Variants in SSBP3 observed in about 807,000 individuals in gnomAD.
SSBP3 encodes single stranded DNA binding protein 3.
A neutral mutation model predicts 69.6 loss-of-function variants in SSBP3; 5 were observed. That is an observed-to-expected ratio of 0.07 (90% CI 0.04 to 0.15). The LOEUF (loss-of-function observed/expected upper bound fraction) is 0.15, where lower values mean the gene tolerates loss of function less well. Among genes scored for constraint, SSBP3 ranks in the 10% least tolerant of loss-of-function variants. SSBP3 has a pLI of 1.00. For synonymous variants in SSBP3, 196 were observed against 193.4 expected (o/e 1.01, Z -0.11); for missense variants, 312 against 534.0 (o/e 0.58, Z 4.10).
chr1:54,244,816 C>T (rs1217730438), intron 9 of SSBP3, among the ~76,000 whole-genome samples: 1 of 152,160 alleles, frequency 6.6e-6, no homozygotes, highest in Non-Finnish European at 1.5e-5. Flanking sequence ...GCCCTCCTGA[C>T]CCCACCCCTT....
chr1:54,403,626 A>G lies in SSBP3; in HGVS notation c.191+950T>C, dbSNP rs116587771. ...GACACTTCATCCTCCTGCTGTTCTA[A>G]GAGACTTAAAACAGTAACCTGAGCT... is the stretch of plus-strand genomic sequence containing the variant. On this transcript the variant is annotated intron_variant, in intron 3 of 17. Coordinates refer to ENST00000610401, the Ensembl canonical transcript of SSBP3. 3.1e-3 allele frequency among the ~76,000 whole-genome samples: 473 copies of G among 152,328 alleles called. 2 individuals carry two copies. The highest frequency in any genetic ancestry group is 5.7e-3 in the Non-Finnish European group (385 of 68,026).
At chr1:54,240,489 G>A (rs1484085156) in intron 13 of SSBP3, among the ~76,000 whole-genome samples, 1 of 122,704 alleles carries the variant, frequency 8.1e-6, no homozygotes, top group Non-Finnish European at 1.7e-5. Context: ...GGGGGCGGGG[G>A]GGAGAAGGGA....
chr1:54,345,368 C>T (rs1019319964), intron 4 of SSBP3, among the ~76,000 whole-genome samples: 2 of 152,080 alleles, frequency 1.3e-5, no homozygotes, highest in African/African-American at 4.8e-5. Flanking sequence ...CACCAAGAGC[C>T]GCACTCTAAA....
chr1:54,340,814 G>T (rs1389643511), intron 4 of SSBP3, among the ~76,000 whole-genome samples: 1 of 152,202 alleles, frequency 6.6e-6, no homozygotes, highest in African/African-American at 2.4e-5. Flanking sequence ...AGGGCTGCAG[G>T]CTCCTACAAG....
intron 14 of SSBP3, among the ~76,000 whole-genome samples, chr1:54,229,507 G>A (rs979081937): frequency 6.6e-6 from 1 of 152,228 alleles, no homozygotes; most frequent in Non-Finnish European, 1.5e-5. Context: ...GGACTGTGGG[G>A]TGGTGGCAGG....
chr1:54,345,743 G>A (rs764228138), intron 4 of SSBP3, among the ~76,000 whole-genome samples: 1 of 152,062 alleles, frequency 6.6e-6, no homozygotes, highest in East Asian at 1.9e-4. Flanking sequence ...GGCTGGGCGC[G>A]GTGGCTTACA....
intron 4 of SSBP3, among the ~76,000 whole-genome samples, chr1:54,289,164 A>G (rs1473602971): frequency 2.0e-5 from 3 of 152,166 alleles, no homozygotes; most frequent in Admixed American, 1.3e-4. Flanking sequence ...GAGAAGCACA[A>G]TCCATTCCCG....
At chr1:54,265,806 A>G (rs957725322) in intron 5 of SSBP3, among the ~76,000 whole-genome samples, 2 of 152,204 alleles carry the variant, frequency 1.3e-5, no homozygotes, top group Non-Finnish European at 2.9e-5. Flanking sequence ...GTGTGAGCAA[A>G]GGCCCCAGCC....
chr1:54,238,097 T>C (rs1223773587), intron 14 of SSBP3: 1 of 462,464 alleles, frequency 2.2e-6, no homozygotes, highest in African/African-American at 2.0e-5. Flanking sequence ...AAAAGCCAGA[T>C]GGTTGGTCAC....
chr1:54,238,725 T>C, intron 14 of SSBP3: 1 of 314,000 alleles, frequency 3.2e-6, no homozygotes, highest in Non-Finnish European at 6.5e-6. Flanking sequence ...GTCCCCTTGC[T>C]GCTGGCTCCA....
intron 4 of SSBP3, among the ~76,000 whole-genome samples, chr1:54,336,117 GGC>G (rs1343592172): frequency 2.0e-5 from 3 of 152,218 alleles, no homozygotes; most frequent in Non-Finnish European, 4.4e-5. Context: ...TTCTAGCACT[GGC>G]ACTCTGGATT....
At chr1:54,353,374 A>AT (rs1646813639) in intron 4 of SSBP3, among the ~76,000 whole-genome samples, 1 of 152,154 alleles carries the variant, frequency 6.6e-6, no homozygotes, top group South Asian at 2.1e-4. Context: ...GTTCCAGAAA[A>AT]TCTTCAGCTC....
chr1:54,266,414 G>C lies in SSBP3; in HGVS notation c.367-8265C>G, dbSNP rs1440808392. ...TTTATTGGAACACAGTGCAAATAAA[G>C]TTTTGTTGGAACAGAGCCACACTCA... On this transcript the variant is annotated intron_variant, in intron 5 of 17. Coordinates refer to ENST00000610401, the Ensembl canonical transcript of SSBP3. Among the ~76,000 whole-genome samples the C allele has an allele frequency of 2.6e-5, 4 of 152,334 alleles. No individual in the cohort carries two copies. The East Asian group carries it at 7.7e-4, about 29-fold the overall frequency.
At chr1:54,404,809 G>GGT (rs1553151462) in intron 2 of SSBP3, 49 bp downstream of exon 2, 10 of 225,506 alleles carry the variant, frequency 4.4e-5, no homozygotes, top group African/African-American at 1.2e-4. Flanking sequence ...TAAGAATAGT[G>GGT]GGGGGGGGGG....
intron 4 of SSBP3, among the ~76,000 whole-genome samples, chr1:54,388,352 G>C (rs1199828799): frequency 1.3e-5 from 2 of 152,170 alleles, no homozygotes; most frequent in Admixed American, 6.5e-5. Flanking sequence ...CTGAGCCCTG[G>C]CTTCCTCATC....
At chr1:54,228,715 G>A (rs1431437670) in intron 15 of SSBP3, 33 bp downstream of exon 15, 13 of 1,560,502 alleles carry the variant, frequency 8.3e-6, no homozygotes, top group East Asian at 2.4e-5. Flanking sequence ...TGCCCAGGCA[G>A]GGTGGGGCAT....
At chr1:54,375,345 T>C (rs970005308) in intron 4 of SSBP3, among the ~76,000 whole-genome samples, 1 of 115,254 alleles carries the variant, frequency 8.7e-6, no homozygotes, top group Non-Finnish European at 1.7e-5. Flanking sequence ...ACTGCATGCA[T>C]GCATGCATGC....
intron 4 of SSBP3, among the ~76,000 whole-genome samples, chr1:54,342,907 C>T (rs1353895886): frequency 2.6e-5 from 4 of 152,190 alleles, no homozygotes; most frequent in Admixed American, 1.3e-4. Flanking sequence ...TTTGAGCTTC[C>T]TCAAGGGAAA....
At chr1:54,252,205 C>A (rs1644842696) in intron 7 of SSBP3, among the ~76,000 whole-genome samples, 2 of 152,248 alleles carry the variant, frequency 1.3e-5, no homozygotes, top group African/African-American at 4.8e-5. Context: ...GCACCAACCA[C>A]CTTCCTCTCA....
Sources: gnomAD v4.1 joint callset for allele counts (sites outside exome capture counted in the v4.1 genomes callset) on GRCh38, gnomAD v4.1.1 for gene constraint, MANE v1.5 for transcripts, NCBI Gene and HGNC (gene_info 2026-07-23, HGNC 2026-07-21) for gene names.